DTNA: variants seen among roughly 807,000 people sequenced by gnomAD.
The protein encoded by DTNA is dystrophin-related protein 3.
A neutral mutation model predicts 100.7 loss-of-function variants in DTNA; 43 were observed. That is an observed-to-expected ratio of 0.43 (90% confidence interval 0.33 to 0.55). The LOEUF (loss-of-function observed/expected upper bound fraction) is 0.55. Among genes scored for constraint, DTNA ranks in the 20% least tolerant of loss-of-function variants. DTNA has a pLI of 0.04. For missense variants in DTNA, 798 were observed against 953.9 expected, an observed-to-expected ratio of 0.84 and a Z score of 2.15; for synonymous variants, 349 against 347.9, an observed-to-expected ratio of 1.00 and a Z score of -0.04.
In DTNA at chr18:34,806,226, C is replaced by A; in HGVS notation, c.370C>A (p.His124Asn). ...TCTATTACCATTAAACAGGGAAGGC[C>A]ATGGTAAAATTTCAGTATTTGCTGT... is the stretch of plus-strand genomic sequence containing the variant. Reference protein sequence around the residue: ...FLLAAFDPEGHGKISVFAVKM... With the variant: ...FLLAAFDPEGNGKISVFAVKM... Residue 124 changes from histidine (H) to asparagine (N), a missense_variant, in exon 5 of 23, where the codon CAT (histidine) becomes AAT (asparagine). Physicochemically the swap from His to Asn is moderately conservative, Grantham distance 68. Around this residue, in one of 6 missense-constraint regions of DTNA, gnomAD observed 197 missense variants for 215.4 expected, o/e 0.91. Coordinates refer to ENST00000444659, the MANE Select transcript of DTNA (RefSeq NM_001386795.1). 4 of 1,613,690 alleles carry A rather than the reference C, an allele frequency of 2.5e-6. No homozygotes were observed. Among genetic ancestry groups the A allele is most frequent in the Non-Finnish European group, 3.4e-6 (4 of 1,179,774 alleles).
chr18:34,758,253 A>G (rs1015716402), intron 2 of DTNA, among the ~76,000 whole-genome samples: 1 of 152,254 alleles, frequency 6.6e-6, no homozygotes, highest in African/African-American at 2.4e-5. Context: ...CAGGGAGCAA[A>G]AAAGGACTAG....
At chr18:34,592,900 T>A (rs1157882045) in intron 1 of DTNA, among the ~76,000 whole-genome samples, 1 of 152,214 alleles carries the variant, frequency 6.6e-6, no homozygotes, top group East Asian at 1.9e-4. Context: ...AAAAAAAATT[T>A]ACTATTTGTA....
chr18:34,714,726 T>G (rs1442411307), intron 1 of DTNA, among the ~76,000 whole-genome samples: 2 of 152,168 alleles, frequency 1.3e-5, no homozygotes, highest in African/African-American at 4.8e-5. Flanking sequence ...CAGCCACCCA[T>G]AAATCATGCT....
intron 11 of DTNA, among the ~76,000 whole-genome samples, chr18:34,832,184 A>T (rs886268990): frequency 6.6e-6 from 1 of 152,204 alleles, no homozygotes; most frequent in Admixed American, 6.5e-5. Flanking sequence ...ATCCATTTTC[A>T]GTCATAAAAT....
At chr18:34,690,489 A>T (rs1455384803) in intron 1 of DTNA, among the ~76,000 whole-genome samples, 1 of 152,084 alleles carries the variant, frequency 6.6e-6, no homozygotes, top group African/African-American at 2.4e-5. Flanking sequence ...TCCCATTGAG[A>T]TGAACTGGGT....
At chr18:34,811,934 A>G in intron 5 of DTNA, 25 bp from the exon 6 acceptor site, 1 of 1,613,686 alleles carries the variant, frequency 6.2e-7, no homozygotes, top group South Asian at 1.1e-5. Context: ...GTGATGAATA[A>G]TATCTTTCCT....
At chr18:34,656,338 A>C (rs377615559) in intron 1 of DTNA, among the ~76,000 whole-genome samples, 2 of 152,198 alleles carry the variant, frequency 1.3e-5, no homozygotes, top group South Asian at 4.1e-4. Context: ...AAGACTGGCT[A>C]TACAGTTTGG....
At chr18:34,878,652 T>A (rs566596698) in intron 19 of DTNA, among the ~76,000 whole-genome samples, 65 of 152,308 alleles carry the variant, frequency 4.3e-4, no homozygotes, top group Non-Finnish European at 5.4e-4. Context: ...CAAACTGAAA[T>A]TTACCTTTGC....
At chr18:34,618,934 A>G (rs1042439902) in intron 1 of DTNA, among the ~76,000 whole-genome samples, 12 of 152,134 alleles carry the variant, frequency 7.9e-5, no homozygotes, top group African/African-American at 2.9e-4. Context: ...TTAATATTTC[A>G]TATGACAGAT....
rs1400972198 is a variant in DTNA at position 34,815,952 on chromosome 18, A to T, written c.647A>T (p.Asp216Val). ...GGTTTCTTGGACACGCTTATGTCAG[A>T]TCCTCCCCCGCAGTGTCTGGTCTGG... is the stretch of plus-strand genomic sequence containing the variant. ...LNGFLDTLMS[D>V]PPPQCLVWLP... Residue 216 changes from aspartate (D) to valine (V), a missense_variant, in exon 7 of 23, where the codon GAT (aspartate) becomes GTT (valine). By Grantham distance (152) the Asp-to-Val change is radical (BLOSUM62 -3). This residue lies in a region of DTNA where 81 missense variants were observed against 153.5 expected (regional missense o/e 0.53). Coordinates refer to ENST00000444659, the MANE Select transcript of DTNA (RefSeq NM_001386795.1). 6 of 1,613,856 alleles carry T rather than the reference A, an allele frequency of 3.7e-6. No homozygotes were observed. Among genetic ancestry groups the T allele is most frequent in the Non-Finnish European group, 5.1e-6 (6 of 1,179,798 alleles).
At chr18:34,882,259 G>A in intron 21 of DTNA, 58 bp downstream of exon 21, 1 of 1,600,728 alleles carries the variant, frequency 6.2e-7, no homozygotes. Context: ...CTTGGTAGCT[G>A]GGTCTTTGAC....
intron 1 of DTNA, among the ~76,000 whole-genome samples, chr18:34,714,269 A>G (rs1195890870): frequency 6.7e-6 from 1 of 149,370 alleles, no homozygotes; most frequent in African/African-American, 2.5e-5. Flanking sequence ...CCACAGCAAA[A>G]GAAACTACCA....
intron 1 of DTNA, among the ~76,000 whole-genome samples, chr18:34,561,003 G>T (rs1446754594): frequency 6.6e-6 from 1 of 152,062 alleles, no homozygotes; most frequent in Non-Finnish European, 1.5e-5. Context: ...AAATTATTTG[G>T]TTTAACATAT....
intron 1 of DTNA, among the ~76,000 whole-genome samples, chr18:34,751,942 G>A (rs1330162523): frequency 1.3e-5 from 2 of 152,328 alleles, no homozygotes; most frequent in East Asian, 3.9e-4. Context: ...GTAAATGAAT[G>A]GATGGGTTCT....
intron 1 of DTNA, among the ~76,000 whole-genome samples, chr18:34,523,629 C>T (rs2145288201): frequency 6.6e-6 from 1 of 152,222 alleles, no homozygotes; most frequent in East Asian, 1.9e-4. Flanking sequence ...TATATTATCT[C>T]CTTTGAACCT....
chr18:34,575,802 A>G (rs2048060434), intron 1 of DTNA, among the ~76,000 whole-genome samples: 1 of 152,078 alleles, frequency 6.6e-6, no homozygotes, highest in South Asian at 2.1e-4. Context: ...CTTCTTCTGG[A>G]TAGTTAGATT....
At chr18:34,614,203 T>C (rs765011990) in intron 1 of DTNA, among the ~76,000 whole-genome samples, 17 of 152,210 alleles carry the variant, frequency 1.1e-4, no homozygotes, top group Non-Finnish European at 2.2e-4. Flanking sequence ...TTAAGCCCAC[T>C]ATTGAGACTT....
chr18:34,684,376 C>T (rs1428033320), intron 1 of DTNA, among the ~76,000 whole-genome samples: 2 of 152,142 alleles, frequency 1.3e-5, no homozygotes, highest in Non-Finnish European at 2.9e-5. Flanking sequence ...TCAACTCTCA[C>T]TTATGAGTGA....
At chr18:34,840,662 C>G (rs2149750484) in intron 13 of DTNA, among the ~76,000 whole-genome samples, 1 of 152,242 alleles carries the variant, frequency 6.6e-6, no homozygotes, top group South Asian at 2.1e-4. Context: ...TCTGTCTCAG[C>G]AGAGACACCT....
Sources: gnomAD v4.1 joint callset for allele counts (sites outside exome capture counted in the v4.1 genomes callset) on GRCh38, gnomAD v4.1.1 for gene constraint, gnomAD v4.1.1 regional missense constraint, MANE v1.5 for transcripts, NCBI Gene and HGNC (gene_info 2026-07-23, HGNC 2026-07-21) for gene names.